Variants in EXOC4 observed in about 807,000 individuals in gnomAD.
The protein encoded by EXOC4 is SEC8-like 1.
Under a neutral mutation model 107.2 loss-of-function variants are expected in EXOC4, and 71 were observed. That is an observed-to-expected ratio of 0.66 (90% CI 0.55 to 0.81). EXOC4 has a LOEUF of 0.81. Ranked by LOEUF, EXOC4 falls within the 30% of genes least tolerant of loss-of-function variation. The pLI, the probability that EXOC4 is intolerant of heterozygous loss-of-function variation, is 0.00. For synonymous variants in EXOC4, 456 were observed against 441.2 expected (o/e 1.03, Z -0.42); for missense variants, 1,108 against 1,189.6 (o/e 0.93, Z 1.01).
At chr7:134,050,610 T>C (rs1795761973) in intron 17 of EXOC4, among the ~76,000 whole-genome samples, 1 of 152,130 alleles carries the variant, frequency 6.6e-6, no homozygotes, top group Admixed American at 6.5e-5. Context: ...GATTTAGCGA[T>C]TTTGAACATG....
At chr7:133,918,590 TAG>T (rs1166142396) in intron 13 of EXOC4, among the ~76,000 whole-genome samples, 3 of 152,220 alleles carry the variant, frequency 2.0e-5, no homozygotes, top group Non-Finnish European at 4.4e-5. Flanking sequence ...TCAACAAAAG[TAG>T]AGTCTTTCTT....
intron 1 of EXOC4, among the ~76,000 whole-genome samples, chr7:133,265,539 G>GTT (rs1793709721): frequency 6.6e-6 from 1 of 152,086 alleles, no homozygotes; most frequent in Non-Finnish European, 1.5e-5. Flanking sequence ...CCCATTTTGA[G>GTT]TACTTTTAAG....
intron 10 of EXOC4, among the ~76,000 whole-genome samples, chr7:133,770,974 A>G (rs1236774560): frequency 6.6e-6 from 1 of 151,994 alleles, no homozygotes; most frequent in Non-Finnish European, 1.5e-5. Flanking sequence ...GATTGTGGCC[A>G]TACATGAATG....
chr7:133,773,464 T>TTATTATTATTATTA (rs1796284998), intron 10 of EXOC4, among the ~76,000 whole-genome samples: 4 of 149,294 alleles, frequency 2.7e-5, no homozygotes, highest in African/African-American at 9.9e-5. Flanking sequence ...TTACTAGGTT[T>TTATTATTATTATTA]TTATTATTAT....
At chr7:133,363,514 GTTA>G (rs779109185) in intron 6 of EXOC4, among the ~76,000 whole-genome samples, 308 of 151,212 alleles carry the variant, frequency 2.0e-3, no homozygotes, top group South Asian at 7.1e-3. Context: ...TTGTCCTTTG[GTTA>G]TAGTCATTAG....
chr7:133,692,725 CG>C (rs1160596183), intron 10 of EXOC4, among the ~76,000 whole-genome samples: 2 of 152,178 alleles, frequency 1.3e-5, no homozygotes, highest in Admixed American at 6.5e-5. Flanking sequence ...AGTAGCAATA[CG>C]TATCAGTCTC....
intron 10 of EXOC4, among the ~76,000 whole-genome samples, chr7:133,751,803 G>T (rs1393746503): frequency 1.3e-5 from 2 of 151,514 alleles, no homozygotes; most frequent in Non-Finnish European, 2.9e-5. Flanking sequence ...TTTTCACTTG[G>T]AACGGCTACT....
At chr7:133,535,547 A>G (rs534991293) in intron 9 of EXOC4, among the ~76,000 whole-genome samples, 54 of 152,330 alleles carry the variant, frequency 3.5e-4, no homozygotes, top group Non-Finnish European at 7.1e-4. Flanking sequence ...AGTGTCTACC[A>G]GCATTCTGTG....
At chr7:133,850,640 C>CCA (rs58027331) in intron 11 of EXOC4, among the ~76,000 whole-genome samples, 28 of 150,004 alleles carry the variant, frequency 1.9e-4, no homozygotes, top group South Asian at 1.5e-3. Flanking sequence ...GGTTACCCCC[C>CCA]CACACACACA....
chr7:133,879,070 A>T (rs1798909101), intron 11 of EXOC4, among the ~76,000 whole-genome samples: 1 of 151,972 alleles, frequency 6.6e-6, no homozygotes, highest in East Asian at 1.9e-4. Flanking sequence ...CTTTACTTGA[A>T]TCAGTTGTTT....
chr7:133,638,134 G>A (rs1247407641), intron 10 of EXOC4, among the ~76,000 whole-genome samples: 6 of 152,122 alleles, frequency 3.9e-5, no homozygotes, highest in African/African-American at 1.4e-4. Flanking sequence ...TAAAGAGATA[G>A]TTATTTTGTT....
intron 10 of EXOC4, among the ~76,000 whole-genome samples, chr7:133,687,555 C>G (rs1000002038): frequency 5.3e-5 from 8 of 152,114 alleles, no homozygotes; most frequent in African/African-American, 1.4e-4. Context: ...CAGATTCTTT[C>G]ATTTCTTCGC....
intron 9 of EXOC4, among the ~76,000 whole-genome samples, chr7:133,533,027 G>C (rs76588103): frequency 6.6e-6 from 1 of 152,056 alleles, no homozygotes; most frequent in Non-Finnish European, 1.5e-5. Flanking sequence ...AGTAATTGAA[G>C]ATTTGCCTGT....
chr7:133,523,942 C>T (rs1176272791), intron 9 of EXOC4, among the ~76,000 whole-genome samples: 1 of 151,496 alleles, frequency 6.6e-6, no homozygotes, highest in Non-Finnish European at 1.5e-5. Context: ...GATTTATAGT[C>T]ATTTGGGTAT....
intron 9 of EXOC4, among the ~76,000 whole-genome samples, chr7:133,499,285 C>A (rs191739692): frequency 6.6e-6 from 1 of 151,988 alleles, no homozygotes; most frequent in African/African-American, 2.4e-5. Flanking sequence ...TCAGTATATA[C>A]CAATCACTGG....
intron 3 of EXOC4, among the ~76,000 whole-genome samples, chr7:133,305,154 C>G (rs1794723510): frequency 6.6e-6 from 1 of 151,444 alleles, no homozygotes; most frequent in Non-Finnish European, 1.5e-5. Flanking sequence ...TTCATGTTCT[C>G]CATTTATTGT....
chr7:133,531,368 A>T (rs1457314854), intron 9 of EXOC4, among the ~76,000 whole-genome samples: 1 of 152,148 alleles, frequency 6.6e-6, no homozygotes, highest in Non-Finnish European at 1.5e-5. Context: ...ATTAGTTCTG[A>T]TGTAATAAAC....
At chr7:133,885,005 G>T (rs1277605482) in intron 11 of EXOC4, among the ~76,000 whole-genome samples, 3 of 152,066 alleles carry the variant, frequency 2.0e-5, no homozygotes, top group Admixed American at 2.0e-4. Flanking sequence ...TCAGTCCTTA[G>T]AACCATGGGA....
intron 13 of EXOC4, among the ~76,000 whole-genome samples, chr7:133,933,242 G>A (rs1366291976): frequency 6.6e-6 from 1 of 152,142 alleles, no homozygotes; most frequent in Non-Finnish European, 1.5e-5. Flanking sequence ...TACCTTAAAT[G>A]AATTCTTGTC....
Sources: gnomAD v4.1 joint callset for allele counts (sites outside exome capture counted in the v4.1 genomes callset) on GRCh38, gnomAD v4.1.1 for gene constraint, MANE v1.5 for transcripts, NCBI Gene and HGNC (gene_info 2026-07-23, HGNC 2026-07-21) for gene names.